The following NCOA2 variants were observed in gnomAD, a reference collection of about 807,000 sequenced individuals.
NCOA2 encodes the protein nuclear receptor coactivator 2.
NCOA2 carries 21 observed loss-of-function variants against 145.1 expected under a neutral mutation model. That is an observed-to-expected ratio of 0.14 (90% CI 0.10 to 0.21). NCOA2 has a LOEUF of 0.21. Among genes scored for constraint, NCOA2 ranks in the 10% least tolerant of loss-of-function variants. The pLI is 1.00. For synonymous variants in NCOA2, 619 were observed against 637.5 expected, an observed-to-expected ratio of 0.97 and a Z score of 0.44; for missense variants, 1,472 against 1,837.6, an observed-to-expected ratio of 0.80 and a Z score of 3.64.
chr8:70,294,659 ATTG>A (rs919166629), intron 2 of NCOA2, among the ~76,000 whole-genome samples: 40 of 152,340 alleles, frequency 2.6e-4, no homozygotes, highest in African/African-American at 9.4e-4. Context: ...ATGTACTACA[ATTG>A]TTGTCACAAA....
At chr8:70,127,654 T>C (rs1436780575) in intron 18 of NCOA2, among the ~76,000 whole-genome samples, 2 of 152,200 alleles carry the variant, frequency 1.3e-5, no homozygotes, top group East Asian at 3.8e-4. Context: ...TCGTTGATCC[T>C]CATTTATGAA....
Position 70,127,056 on chromosome 8 carries a change from C to T in NCOA2, c.3682-9G>A, listed in dbSNP as rs766447807. 1 of 1,585,884 alleles carries T rather than the reference C, an allele frequency of 6.3e-7. No homozygotes were observed. Among genetic ancestry groups the T allele is most frequent in the African/African-American group, 1.4e-5 (1 of 73,104 alleles). ...TGTGCATTAATAGGTGCCTGAAATCCGGGGCAACACATGGAGGAAAATGTC... is the reference window on the plus strand; with the variant it reads ...TGTGCATTAATAGGTGCCTGAAATCTGGGGCAACACATGGAGGAAAATGTC... On this transcript the variant is annotated splice_polypyrimidine_tract_variant and intron_variant, in intron 18 of 22. Transcript: ENST00000452400.
At chr8:70,358,879 C>T (rs895581701) in intron 1 of NCOA2, among the ~76,000 whole-genome samples, 11 of 152,196 alleles carry the variant, frequency 7.2e-5, no homozygotes, top group South Asian at 6.2e-4. Context: ...TACTGCAACT[C>T]AGCAACATAA....
chr8:70,443,702 A>T, the NCOA2 span, among the ~76,000 whole-genome samples: 2 of 152,054 alleles, frequency 1.3e-5, no homozygotes, highest in Non-Finnish European at 2.9e-5. Flanking sequence ...AGTAGCTGGG[A>T]CTACAGGCAT....
At chr8:70,284,005 T>TGAATAAATAAGCAACATTCCC (rs1826064149) in intron 2 of NCOA2, among the ~76,000 whole-genome samples, 1 of 152,200 alleles carries the variant, frequency 6.6e-6, no homozygotes, top group African/African-American at 2.4e-5. Context: ...GTATTCCTCT[T>TGAATAAATAAGCAACATTCCC]GAATAAATAA....
intron 1 of NCOA2, among the ~76,000 whole-genome samples, chr8:70,377,502 T>C (rs1051005904): frequency 7.2e-5 from 11 of 152,186 alleles, no homozygotes; most frequent in African/African-American, 2.7e-4. Flanking sequence ...TTGGCAATTC[T>C]GAGCCATCTT....
At chr8:70,224,969 C>T (rs967520444) in intron 2 of NCOA2, among the ~76,000 whole-genome samples, 1 of 151,420 alleles carries the variant, frequency 6.6e-6, no homozygotes, top group Non-Finnish European at 1.5e-5. Context: ...CCTCTCCTGT[C>T]CAGAGTCTCA....
chr8:70,393,348 C>T (rs909119113), intron 1 of NCOA2, among the ~76,000 whole-genome samples: 3 of 152,192 alleles, frequency 2.0e-5, no homozygotes, highest in Non-Finnish European at 2.9e-5. Context: ...TCGGATTAAA[C>T]GGCTCTCTCT....
intron 2 of NCOA2, among the ~76,000 whole-genome samples, chr8:70,279,003 C>T (rs79235354): frequency 0.034 from 5,196 of 151,958 alleles, 294 homozygotes; most frequent in African/African-American, 0.12. Context: ...TTTCATTTCC[C>T]TGTATCAATC....
intron 1 of NCOA2, among the ~76,000 whole-genome samples, chr8:70,318,529 G>T (rs1299796572): frequency 2.0e-5 from 3 of 152,160 alleles, no homozygotes; most frequent in African/African-American, 7.2e-5. Flanking sequence ...ACTTTGGGAG[G>T]CAAGGAGGGC....
At chr8:70,122,538 C>G (rs577424254) in intron 21 of NCOA2, among the ~76,000 whole-genome samples, 7 of 152,128 alleles carry the variant, frequency 4.6e-5, no homozygotes, top group African/African-American at 1.7e-4. Context: ...ATTATAGGCA[C>G]AAGCCAACAT....
rs745812570 is a variant in NCOA2, at chr8:70,156,095, A to C, written c.2270T>G (p.Ile757Ser). The change falls in exon 11 of 23, where the codon ATT becomes AGT. Residue 757 changes from isoleucine (I) to serine (S), a missense_variant. Coordinates refer to ENST00000452400, the MANE Select transcript of NCOA2 (RefSeq NM_006540.4). Reference protein sequence around the residue: ...YLLDKDDTKDIGLPEITPKLE... With the variant: ...YLLDKDDTKDSGLPEITPKLE... ...TTTGGGGGTTATTTCTGGTAAACCA[A>C]TATCTTTAGTATCATCTTTATCTAG... The C allele has an allele frequency of 3.7e-6, 6 of 1,613,846 alleles. No individual in the cohort carries two copies. The highest frequency in any genetic ancestry group is 3.3e-5 in the Admixed American group (2 of 59,996).
At chr8:70,452,402 C>T in the NCOA2 span, among the ~76,000 whole-genome samples, 2 of 152,162 alleles carry the variant, frequency 1.3e-5, no homozygotes, top group Non-Finnish European at 2.9e-5. Flanking sequence ...ATGTCACACC[C>T]ATGAGGATAA....
intron 13 of NCOA2, 102 bp from the exon 14 acceptor site, chr8:70,141,501 A>C: frequency 1.8e-6 from 2 of 1,097,350 alleles, no homozygotes; most frequent in South Asian, 2.8e-5. Context: ...TCATTCTGTA[A>C]TTCACACTTA....
intron 1 of NCOA2, among the ~76,000 whole-genome samples, chr8:70,381,569 C>T (rs1365597746): frequency 6.6e-6 from 1 of 152,106 alleles, no homozygotes; most frequent in Admixed American, 6.5e-5. Context: ...CTTTTCCAGC[C>T]TAGCAGGTGA....
At chr8:70,168,561 T>TCCA (rs955880595) in intron 6 of NCOA2, among the ~76,000 whole-genome samples, 32 of 152,304 alleles carry the variant, frequency 2.1e-4, no homozygotes, top group Admixed American at 6.5e-4. Context: ...CCTCAAGCGA[T>TCCA]CCACCAGCCT....
intron 4 of NCOA2, among the ~76,000 whole-genome samples, chr8:70,190,195 C>T (rs1206517449): frequency 6.6e-6 from 1 of 152,074 alleles, no homozygotes; most frequent in African/African-American, 2.4e-5. Flanking sequence ...ATTAGACTTA[C>T]AAATCTCAAA....
intron 4 of NCOA2, among the ~76,000 whole-genome samples, chr8:70,189,346 C>T (rs1180638314): frequency 6.6e-6 from 1 of 152,190 alleles, no homozygotes; most frequent in Non-Finnish European, 1.5e-5. Flanking sequence ...ACAACATGTC[C>T]ATAATATCAT....
At chr8:70,145,990 G>A (rs1004578630) in intron 12 of NCOA2, among the ~76,000 whole-genome samples, 8 of 152,078 alleles carry the variant, frequency 5.3e-5, no homozygotes, top group Non-Finnish European at 7.4e-5. Flanking sequence ...TTTTTTTCAC[G>A]TTATAATATT....
Sources: gnomAD v4.1 joint callset for allele counts (sites outside exome capture counted in the v4.1 genomes callset) on GRCh38, gnomAD v4.1.1 for gene constraint, MANE v1.5 for transcripts, NCBI Gene and HGNC (gene_info 2026-07-23, HGNC 2026-07-21) for gene names.